CXCL13: variants seen among roughly 807,000 people sequenced by gnomAD.
CXCL13 encodes C-X-C motif chemokine 13.
In CXCL13, 7 loss-of-function variants were observed where a neutral mutation model predicts 12.2. The ratio of observed to expected loss-of-function variants is 0.57; its 90% CI spans 0.33 to 1.07. CXCL13 has a LOEUF of 1.07. CXCL13 is among the 50% of genes least tolerant of loss of function. CXCL13 has a pLI of 0.04. For missense variants in CXCL13, 113 were observed against 127.4 expected, an observed-to-expected ratio of 0.89 and a Z score of 0.55; for synonymous variants, 47 against 42.4, an observed-to-expected ratio of 1.11 and a Z score of -0.42.
chr4:77,561,469 G>A (rs1725811489), intron 1 of CXCL13, among the ~76,000 whole-genome samples: 1 of 152,210 alleles, frequency 6.6e-6, no homozygotes. Flanking sequence ...CAGTCCTGAA[G>A]GTGCTATTTC....
chr4:77,576,449 T>C (rs1348922881), intron 1 of CXCL13, among the ~76,000 whole-genome samples: 1 of 152,218 alleles, frequency 6.6e-6, no homozygotes, highest in Non-Finnish European at 1.5e-5. Flanking sequence ...CTTATGGCAA[T>C]ATAATTGTTT....
intron 1 of CXCL13, among the ~76,000 whole-genome samples, chr4:77,549,315 A>G (rs1725451728): frequency 1.3e-5 from 2 of 152,132 alleles, no homozygotes; most frequent in South Asian, 2.1e-4. Flanking sequence ...TTTATTACCA[A>G]TCTTCTGAAG....
chr4:77,566,688 T>C (rs1560528143), intron 1 of CXCL13, among the ~76,000 whole-genome samples: 1 of 152,166 alleles, frequency 6.6e-6, no homozygotes. Context: ...GAGCCTCCTG[T>C]CCCCTCACCC....
At chr4:77,523,266 G>A (rs1439176304) in intron 1 of CXCL13, among the ~76,000 whole-genome samples, 3 of 152,160 alleles carry the variant, frequency 2.0e-5, no homozygotes, top group Non-Finnish European at 2.9e-5. Context: ...GCCTTGCTAT[G>A]TTGGGGAAGT....
intron 1 of CXCL13, among the ~76,000 whole-genome samples, chr4:77,525,369 TG>T (rs1472236238): frequency 6.6e-6 from 1 of 152,178 alleles, no homozygotes; most frequent in Non-Finnish European, 1.5e-5. Flanking sequence ...TTTTCTCATT[TG>T]GGGGGTTTTC....
intron 1 of CXCL13, among the ~76,000 whole-genome samples, chr4:77,547,341 C>T (rs1422500742): frequency 6.6e-6 from 1 of 152,168 alleles, no homozygotes; most frequent in Non-Finnish European, 1.5e-5. Flanking sequence ...GTTTACATAT[C>T]ACATTATTAT....
chr4:77,536,596 T>A (rs1209492155), intron 1 of CXCL13, among the ~76,000 whole-genome samples: 1 of 152,194 alleles, frequency 6.6e-6, no homozygotes, highest in East Asian at 1.9e-4. Flanking sequence ...AATTAGTTAA[T>A]AAAGATAAAA....
At chr4:77,585,312 G>A (rs1227160245) in intron 1 of CXCL13, among the ~76,000 whole-genome samples, 1 of 152,156 alleles carries the variant, frequency 6.6e-6, no homozygotes, top group Admixed American at 6.5e-5. Context: ...ATGTGAATCA[G>A]GAATTTTAAT....
intron 1 of CXCL13, among the ~76,000 whole-genome samples, chr4:77,564,674 G>A (rs969960747): frequency 9.2e-5 from 14 of 152,166 alleles, no homozygotes; most frequent in Admixed American, 9.2e-4. Flanking sequence ...ATTGCCCAGG[G>A]CACCTAGCAA....
At chr4:77,587,913 A>C (rs1214517430) in intron 1 of CXCL13, among the ~76,000 whole-genome samples, 1 of 152,218 alleles carries the variant, frequency 6.6e-6, no homozygotes. Context: ...TCCTGGCTGC[A>C]GAGGGAACTG....
intron 1 of CXCL13, among the ~76,000 whole-genome samples, chr4:77,538,750 A>G (rs912465378): frequency 2.0e-5 from 3 of 152,170 alleles, no homozygotes; most frequent in African/African-American, 7.2e-5. Flanking sequence ...ATCAGGTCTC[A>G]CCAAACCTGG....
intron 1 of CXCL13, among the ~76,000 whole-genome samples, chr4:77,536,824 A>C (rs1203828683): frequency 6.6e-6 from 1 of 152,218 alleles, no homozygotes; most frequent in Non-Finnish European, 1.5e-5. Flanking sequence ...TGACTTTATC[A>C]GGATAGAAAA....
At chr4:77,566,913 A>T (rs888556072) in intron 1 of CXCL13, among the ~76,000 whole-genome samples, 1 of 152,222 alleles carries the variant, frequency 6.6e-6, no homozygotes, top group African/African-American at 2.4e-5. Context: ...AAGCTAAGCC[A>T]TCATATCCCC....
chr4:77,544,041 C>T (rs1725288555), intron 1 of CXCL13, among the ~76,000 whole-genome samples: 1 of 152,142 alleles, frequency 6.6e-6, no homozygotes, highest in Non-Finnish European at 1.5e-5. Context: ...ATGATGGTTT[C>T]CAGCTTCATC....
intron 1 of CXCL13, among the ~76,000 whole-genome samples, chr4:77,528,348 A>G (rs1414367706): frequency 6.6e-6 from 1 of 152,176 alleles, no homozygotes; most frequent in Non-Finnish European, 1.5e-5. Flanking sequence ...CTGAGGAATC[A>G]CCACACTGAC....
intron 1 of CXCL13, among the ~76,000 whole-genome samples, chr4:77,599,378 A>G (rs919314291): frequency 6.6e-6 from 1 of 152,178 alleles, no homozygotes; most frequent in African/African-American, 2.4e-5. Flanking sequence ...CAATGTAAAC[A>G]CTATGTAAAT....
At chr4:77,579,911 C>T (rs1351534196) in intron 1 of CXCL13, among the ~76,000 whole-genome samples, 1 of 152,140 alleles carries the variant, frequency 6.6e-6, no homozygotes, top group Non-Finnish European at 1.5e-5. Flanking sequence ...GGGTAACATC[C>T]TGAAAAATAG....
intron 1 of CXCL13, among the ~76,000 whole-genome samples, chr4:77,553,411 C>T (rs367817121): frequency 2.0e-5 from 3 of 152,196 alleles, no homozygotes; most frequent in African/African-American, 7.2e-5. Context: ...TGGTGTCCTG[C>T]CCTCAGTTCC....
At chr4:77,571,937 A>G (rs1726094376) in intron 1 of CXCL13, among the ~76,000 whole-genome samples, 1 of 151,702 alleles carries the variant, frequency 6.6e-6, no homozygotes, top group African/African-American at 2.4e-5. Flanking sequence ...TGCTGCCTTA[A>G]GAGCTGTAAC....
Sources: gnomAD v4.1 joint callset for allele counts (sites outside exome capture counted in the v4.1 genomes callset) on GRCh38, gnomAD v4.1.1 for gene constraint, MANE v1.5 for transcripts, NCBI Gene and HGNC (gene_info 2026-07-23, HGNC 2026-07-21) for gene names.